Variants in NIPA1 observed in about 807,000 individuals in gnomAD.
NIPA1 encodes the protein NIPA magnesium transporter 1.
A neutral mutation model predicts 23.9 loss-of-function variants in NIPA1; 13 were observed. That is an observed-to-expected ratio of 0.54 (90% CI 0.35 to 0.87). The LOEUF (loss-of-function observed/expected upper bound fraction) is 0.87. Among genes scored for constraint, NIPA1 ranks in the 40% least tolerant of loss-of-function variants. The pLI is 0.01. For synonymous variants in NIPA1, 234 were observed against 202.9 expected, an observed-to-expected ratio of 1.15 and a Z score of -1.30; for missense variants, 362 against 429.7, an observed-to-expected ratio of 0.84 and a Z score of 1.39.
At chr15:22,797,746 G>A (rs1413122728) in intron 1 of NIPA1, among the ~76,000 whole-genome samples, 2 of 150,360 alleles carry the variant, frequency 1.3e-5, no homozygotes, top group Admixed American at 6.6e-5. Context: ...CACGTGATCC[G>A]CCCACCTCGG....
At chr15:22,813,806 A>T (rs771910405) in intron 3 of NIPA1, 3 of 410,326 alleles carry the variant, frequency 7.3e-6, no homozygotes, top group Non-Finnish European at 1.5e-5. Context: ...CACTGCTATC[A>T]TGTGTGGCTT....
rs905074536 is a variant in NIPA1, at chr15:22,809,877, T to TA, written c.179-863dup. Among the ~76,000 whole-genome samples the TA allele has an allele frequency of 8.0e-5, 12 of 150,688 alleles. 1 individual carries two copies. Among genetic ancestry groups the TA allele is most frequent in the South Asian group, 6.3e-4 (3 of 4,750 alleles). Reference sequence around the variant, plus strand: ...CAACGTGGAGAAACCTCGTCTCTACTAAAAAAAAATACAAAATTAGCTGGG... The same window carrying TA: ...CAACGTGGAGAAACCTCGTCTCTACTAAAAAAAAAATACAAAATTAGCTGGG... On this transcript the variant is annotated intron_variant, in intron 1 of 4. Transcript: ENST00000337435.
chr15:22,788,538 C>G (rs972680611), intron 1 of NIPA1, among the ~76,000 whole-genome samples: 1 of 148,332 alleles, frequency 6.7e-6, no homozygotes, highest in African/African-American at 2.5e-5. Flanking sequence ...CCTGACCAGT[C>G]CTCTGTGAAG....
intron 3 of NIPA1, 72 bp downstream of exon 3, chr15:22,812,325 T>C (rs1895334579): frequency 8.4e-7 from 1 of 1,184,642 alleles, no homozygotes; most frequent in African/African-American, 1.5e-5. Flanking sequence ...TAAATGTTTC[T>C]GTTAAAGTAA....
At chr15:22,802,536 C>G (rs1365672811) in intron 1 of NIPA1, among the ~76,000 whole-genome samples, 1 of 151,960 alleles carries the variant, frequency 6.6e-6, no homozygotes, top group African/African-American at 2.4e-5. Flanking sequence ...ATTTAACTGT[C>G]ATTTATCAAC....
intron 1 of NIPA1, among the ~76,000 whole-genome samples, chr15:22,799,459 A>G (rs1209326170): frequency 1.3e-5 from 2 of 152,114 alleles, no homozygotes; most frequent in Non-Finnish European, 2.9e-5. Flanking sequence ...AGCCTGGGCA[A>G]CATGGCGAAA....
chr15:22,814,030 A>T (rs1895367662), intron 3 of NIPA1: 2 of 892,664 alleles, frequency 2.2e-6, no homozygotes, highest in Non-Finnish European at 3.2e-6. Flanking sequence ...GTTCTCATGC[A>T]CTTTGATGAT....
At chr15:22,818,972 T>C (rs1004382503) in intron 3 of NIPA1, among the ~76,000 whole-genome samples, 5 of 152,142 alleles carry the variant, frequency 3.3e-5, no homozygotes, top group Non-Finnish European at 5.9e-5. Flanking sequence ...CTTTTTGCCC[T>C]GTGAGCCCCC....
At chr15:22,801,863 T>G (rs534089095) in intron 1 of NIPA1, among the ~76,000 whole-genome samples, 6 of 152,164 alleles carry the variant, frequency 3.9e-5, no homozygotes, top group African/African-American at 1.4e-4. Context: ...ACACTGATGA[T>G]TCTCAGTAAA....
intron 4 of NIPA1, among the ~76,000 whole-genome samples, chr15:22,821,547 G>A (rs1196582639): frequency 6.6e-6 from 1 of 151,468 alleles, no homozygotes; most frequent in East Asian, 1.9e-4. Flanking sequence ...ACACTCGGTG[G>A]TCTGCATGTC....
chr15:22,799,578 C>G (rs180724474), intron 1 of NIPA1, among the ~76,000 whole-genome samples: 459 of 151,932 alleles, frequency 3.0e-3, no homozygotes, highest in East Asian at 0.013. Context: ...GTCAGGAGAT[C>G]GAGACCATCC....
chr15:22,813,545 GA>G, intron 3 of NIPA1: 3 of 433,684 alleles, frequency 6.9e-6, no homozygotes, highest in South Asian at 5.0e-5. Context: ...TGTCTTTGAA[GA>G]AATCATTAGA....
At chr15:22,812,380 G>A (rs952483878) in intron 3 of NIPA1, 127 bp downstream of exon 3, 2 of 717,970 alleles carry the variant, frequency 2.8e-6, no homozygotes, top group Non-Finnish European at 4.9e-6. Flanking sequence ...GGCCGGGCAT[G>A]GTGGCTTACG....
intron 2 of NIPA1, chr15:22,811,028 G>A (rs1895305696): frequency 1.8e-6 from 1 of 563,836 alleles, no homozygotes; most frequent in Non-Finnish European, 3.2e-6. Context: ...CAAGTTAGGA[G>A]CTGGTGGAGG....
chr15:22,823,648 C>G, intron 4 of NIPA1, 80 bp from the exon 5 acceptor site: 2 of 1,465,850 alleles, frequency 1.4e-6, no homozygotes, highest in Non-Finnish European at 1.8e-6. Flanking sequence ...GGTGGGGGCC[C>G]GGGTGCTGCC....
intron 3 of NIPA1, among the ~76,000 whole-genome samples, chr15:22,815,743 A>G (rs564037409): frequency 1.8e-4 from 28 of 152,338 alleles, no homozygotes; most frequent in African/African-American, 6.7e-4. Flanking sequence ...CCAGCAATAT[A>G]TAAAAAGGAT....
chr15:22,818,450 G>A (rs1895468947), intron 3 of NIPA1, among the ~76,000 whole-genome samples: 1 of 151,022 alleles, frequency 6.6e-6, no homozygotes, highest in African/African-American at 2.4e-5. Context: ...AAAAGAAAAC[G>A]AAACAGAAAC....
At chr15:22,806,549 T>A (rs1895217123) in intron 1 of NIPA1, among the ~76,000 whole-genome samples, 1 of 80,200 alleles carries the variant, frequency 1.2e-5, no homozygotes, top group Non-Finnish European at 2.0e-5. Context: ...TGCAGCTCCC[T>A]GTTGTTGCTG....
chr15:22,801,372 G>T (rs571272219), intron 1 of NIPA1, among the ~76,000 whole-genome samples: 31 of 152,120 alleles, frequency 2.0e-4, no homozygotes, highest in Admixed American at 1.9e-3. Context: ...GAGTCGGCCA[G>T]CTTGGCTTCT....
Sources: gnomAD v4.1 joint callset for allele counts (sites outside exome capture counted in the v4.1 genomes callset) on GRCh38, gnomAD v4.1.1 for gene constraint, MANE v1.5 for transcripts, NCBI Gene and HGNC (gene_info 2026-07-23, HGNC 2026-07-21) for gene names.